Variants in PRKN observed in about 807,000 individuals in gnomAD.
PRKN encodes parkin RBR E3 ubiquitin protein ligase.
In PRKN, 56 loss-of-function variants were observed where a neutral mutation model predicts 59.5. That is an observed-to-expected ratio of 0.94 (90% CI 0.76 to 1.18). PRKN has a LOEUF of 1.18. Among genes scored for constraint, PRKN ranks in the 50% most tolerant of loss-of-function variants. The pLI, the probability that PRKN is intolerant of heterozygous loss-of-function variation, is 0.00. For synonymous variants in PRKN, 250 were observed against 222.1 expected, an observed-to-expected ratio of 1.13 and a Z score of -1.12; for missense variants, 657 against 596.4, an observed-to-expected ratio of 1.10 and a Z score of -1.06.
At chr6:162,624,250 C>CA (rs752288555) in intron 1 of PRKN, 38,255 of 127,288 alleles carry the variant, frequency 0.3, 6,734 homozygotes, top group African/African-American at 0.54. Flanking sequence ...TCTGTCTCCA[C>CA]AAAAAAAAAA....
At chr6:161,930,425 G>A (rs1349674309) in intron 6 of PRKN, among the ~76,000 whole-genome samples, 1 of 152,162 alleles carries the variant, frequency 6.6e-6, no homozygotes, top group African/African-American at 2.4e-5. Flanking sequence ...GTCTGGGGAC[G>A]AAACAAGTCA....
At chr6:162,356,747 T>TAAAAAAAAAAA (rs748212596) in intron 2 of PRKN, among the ~76,000 whole-genome samples, 2 of 73,062 alleles carry the variant, frequency 2.7e-5, no homozygotes, top group Non-Finnish European at 2.7e-5. Flanking sequence ...TGATTATTAG[T>TAAAAAAAAAAA]AAAAAAAAAA....
chr6:162,410,305 C>A (rs986690636), intron 2 of PRKN, among the ~76,000 whole-genome samples: 15 of 152,096 alleles, frequency 9.9e-5, no homozygotes, highest in Non-Finnish European at 1.8e-4. Context: ...CAGTTCCCCA[C>A]CCTGACCAGA....
intron 6 of PRKN, among the ~76,000 whole-genome samples, chr6:161,959,354 C>G (rs927302949): frequency 6.6e-6 from 1 of 152,086 alleles, no homozygotes; most frequent in South Asian, 2.1e-4. Flanking sequence ...TCGGTTCCGA[C>G]GGATAAGATA....
intron 1 of PRKN, among the ~76,000 whole-genome samples, chr6:162,523,886 G>T (rs1778173144): frequency 6.6e-6 from 1 of 151,996 alleles, no homozygotes; most frequent in Admixed American, 6.6e-5. Context: ...AAAAAATTAT[G>T]AGGATCAAAA....
chr6:161,602,113 T>G (rs191123241), intron 7 of PRKN, among the ~76,000 whole-genome samples: 1 of 150,782 alleles, frequency 6.6e-6, no homozygotes, highest in African/African-American at 2.5e-5. Context: ...ATTATCTATC[T>G]ATCTATCTAT....
At position 161,354,158 on chromosome 6, in the gene PRKN, C is replaced by A. The variant is rs1784667233; in HGVS notation, c.1286-3947G>T. ...AGAAGATATTCACGTCATTAGCTTT[C>A]TTTTCTCCCTAGGGCTTAATATACA... On this transcript the variant is annotated intron_variant, in intron 11 of 11. Transcript: ENST00000366898. The surrounding 1 kb of genome is among the most constrained non-coding windows in gnomAD (Gnocchi z 6.7). Among the ~76,000 whole-genome samples, 1 of 152,178 alleles carries A rather than the reference C, an allele frequency of 6.6e-6. No individual in the cohort carries two copies. Among genetic ancestry groups the A allele is most frequent in the Non-Finnish European group, 1.5e-5 (1 of 68,030 alleles).
rs201603511 is a variant in PRKN, at chr6:162,688,671, TC to T, written c.7+38990del. 1.6e-4 allele frequency among the ~76,000 whole-genome samples: 24 copies of T among 152,306 alleles called. No individual in the cohort carries two copies. The East Asian group carries it at 2.3e-3, about 15-fold the overall frequency. ...TTTTACATTTCAACGTGGCTACAAC[TC>T]CTAATCCTCCTGTCAAGAATCCCAC... On this transcript the variant is annotated intron_variant, in intron 1 of 11. Coordinates refer to ENST00000366898, the MANE Select transcript of PRKN (RefSeq NM_004562.3).
intron 4 of PRKN, among the ~76,000 whole-genome samples, chr6:162,188,905 C>T (rs1168432792): frequency 1.3e-5 from 2 of 151,824 alleles, no homozygotes; most frequent in Non-Finnish European, 2.9e-5. Context: ...TTCCTTTACT[C>T]AAAGTGCTCT....
rs115561853 is a variant in PRKN at position 162,185,321 on chromosome 6, T to C, written c.534+15810A>G. Among the ~76,000 whole-genome samples, 464 of 152,290 alleles carry C rather than the reference T, an allele frequency of 3.0e-3. 4 individuals are homozygous for C. The highest frequency in any genetic ancestry group is 0.011 in the African/African-American group (445 of 41,556). On this transcript the variant is annotated intron_variant, in intron 4 of 11. Coordinates refer to ENST00000366898, the MANE Select transcript of PRKN (RefSeq NM_004562.3). ...CTAAATGATAAACTTGAGTAATATA[T>C]AGAACCTAACATTTGTGCCAATTCA... is the stretch of plus-strand genomic sequence containing the variant.
chr6:161,637,990 T>C lies in PRKN; in HGVS notation c.872-68574A>G, dbSNP rs748151752. Among the ~76,000 whole-genome samples the C allele has an allele frequency of 3.5e-4, 54 of 152,300 alleles. No individual in the cohort carries two copies. In the Middle Eastern group the frequency reaches 0.014, roughly 38 times the overall value. On this transcript the variant is annotated intron_variant, in intron 7 of 11. Coordinates refer to ENST00000366898, the MANE Select transcript of PRKN (RefSeq NM_004562.3). ...TACAGTCTTAAACTTTTTTCTCTTGTGCTTGCTTTTATTTTTCTATCCCCT... is the reference window on the plus strand; with the variant it reads ...TACAGTCTTAAACTTTTTTCTCTTGCGCTTGCTTTTATTTTTCTATCCCCT...
At chr6:161,973,188 G>T in intron 6 of PRKN, 114 bp downstream of exon 6, 1 of 750,862 alleles carries the variant, frequency 1.3e-6, no homozygotes. Context: ...AGTTCACTGA[G>T]GAAGGCTCGT....
chr6:162,292,704 G>A (rs1313058432), intron 2 of PRKN, among the ~76,000 whole-genome samples: 1 of 152,192 alleles, frequency 6.6e-6, no homozygotes. Flanking sequence ...GCAGCTGGGT[G>A]AGAAGCAGCA....
chr6:162,466,450 G>C (rs1437519052), intron 1 of PRKN, among the ~76,000 whole-genome samples: 1 of 152,168 alleles, frequency 6.6e-6, no homozygotes, highest in Non-Finnish European at 1.5e-5. Flanking sequence ...CCAGGCTGAA[G>C]TGCAGTGTTG....
chr6:161,751,821 G>A (rs1361309481), intron 7 of PRKN, among the ~76,000 whole-genome samples: 2 of 152,196 alleles, frequency 1.3e-5, no homozygotes, highest in African/African-American at 4.8e-5. Context: ...CCAGGCTTAT[G>A]GTATGGGACT....
intron 5 of PRKN, among the ~76,000 whole-genome samples, chr6:162,021,594 G>A (rs61112305): frequency 1.3e-5 from 2 of 151,586 alleles, no homozygotes. Context: ...TTACTCATCC[G>A]AAGTTTCTAG....
intron 8 of PRKN, among the ~76,000 whole-genome samples, chr6:161,553,022 C>T (rs185515960): frequency 2.0e-5 from 3 of 151,262 alleles, no homozygotes; most frequent in Non-Finnish European, 4.4e-5. Context: ...ATCTCCTGAC[C>T]TCGTGATCTG....
intron 9 of PRKN, among the ~76,000 whole-genome samples, chr6:161,464,510 C>G (rs538644429): frequency 6.6e-6 from 1 of 152,218 alleles, no homozygotes; most frequent in African/African-American, 2.4e-5. Context: ...AATATATGCA[C>G]CACTACAATC....
intron 7 of PRKN, among the ~76,000 whole-genome samples, chr6:161,699,354 T>C (rs368068461): frequency 1.3e-5 from 2 of 152,112 alleles, no homozygotes; most frequent in Non-Finnish European, 2.9e-5. Flanking sequence ...ATTTACCCAA[T>C]AGAAATTAAA....
Sources: allele counts gnomAD v4.1 joint callset (sites outside exome capture counted in the v4.1 genomes callset), GRCh38; gene constraint gnomAD v4.1.1; non-coding constraint Gnocchi (gnomAD v3.1); transcripts MANE v1.5; gene names NCBI Gene and HGNC (gene_info 2026-07-23, HGNC 2026-07-21).